The following TASOR variants were observed in gnomAD, a reference collection of about 807,000 sequenced individuals.
TASOR encodes transcription activation suppressor.
In TASOR, 53 loss-of-function variants were observed where a neutral mutation model predicts 178.6. The ratio of observed to expected loss-of-function variants is 0.30; its 90% confidence interval spans 0.24 to 0.37. The LOEUF (loss-of-function observed/expected upper bound fraction) is 0.37, where lower values mean the gene tolerates loss of function less well. Among genes scored for constraint, TASOR ranks in the 10% least tolerant of loss-of-function variants. TASOR has a pLI of 1.00. For missense variants in TASOR, 1,815 were observed against 1,971.4 expected (o/e 0.92, Z 1.50); for synonymous variants, 713 against 696.2 (o/e 1.02, Z -0.38).
At chr3:56,670,282 A>T in intron 3 of TASOR, 137 bp from the exon 4 acceptor site, 1 of 500,292 alleles carries the variant, frequency 2.0e-6, no homozygotes, top group African/African-American at 2.0e-5. Flanking sequence ...AATCTTATAT[A>T]TTTGCCACTT....
intron 1 of TASOR, among the ~76,000 whole-genome samples, chr3:56,680,670 T>C (rs1033789241): frequency 1.8e-4 from 27 of 151,470 alleles, no homozygotes; most frequent in Non-Finnish European, 1.0e-4. Context: ...GTAAAATAGC[T>C]GCTTATTTAA....
chr3:56,648,787 A>G (rs766382013), intron 13 of TASOR, 35 bp downstream of exon 13: 5 of 1,475,102 alleles, frequency 3.4e-6, no homozygotes, highest in Admixed American at 1.8e-5. Context: ...TTAAGTATCT[A>G]TAAGTAACCA....
chr3:56,656,047 C>T (rs1314182345), intron 11 of TASOR, among the ~76,000 whole-genome samples: 1 of 152,114 alleles, frequency 6.6e-6, no homozygotes, highest in Non-Finnish European at 1.5e-5. Context: ...TTTCAGACAA[C>T]AGCTGACCAC....
Position 56,628,952 on chromosome 3 carries a change from T to G in TASOR, c.3748-338A>C, listed in dbSNP as rs903975860. On this transcript the variant is annotated intron_variant, in intron 18 of 23. Transcript: ENST00000683822. ...TAATTTTTTTTTTTTTTTTTTTTTTTGTAAGAGACAGAGTCTTGCTGTGTT... is the reference window on the plus strand; with the variant it reads ...TAATTTTTTTTTTTTTTTTTTTTTTGGTAAGAGACAGAGTCTTGCTGTGTT... The G allele has an allele frequency of 5.5e-4, 65 of 118,778 alleles. No homozygotes were observed. In the East Asian group the frequency reaches 6.3e-3, roughly 12 times the overall value. The allele number at this position is 118,778 out of a possible 1,614,324, so 7.4% of individuals were successfully genotyped here. A position where few individuals can be genotyped will look rare whatever the true frequency, so the allele number is the denominator to read the frequency against.
At chr3:56,628,769 T>C (rs2076848611) in intron 18 of TASOR, 155 bp from the exon 19 acceptor site, 1 of 507,244 alleles carries the variant, frequency 2.0e-6, no homozygotes, top group East Asian at 3.7e-5. Flanking sequence ...CAAATCCTTT[T>C]TTTTTTTCTT....
chr3:56,677,434 T>C (rs1360258556), intron 1 of TASOR, among the ~76,000 whole-genome samples: 1 of 152,202 alleles, frequency 6.6e-6, no homozygotes, highest in African/African-American at 2.4e-5. Flanking sequence ...ATCATCTCAA[T>C]CATCAAAACT....
intron 3 of TASOR, 130 bp from the exon 4 acceptor site, chr3:56,670,275 C>A: frequency 2.0e-6 from 1 of 509,916 alleles, no homozygotes; most frequent in Admixed American, 3.6e-5. Context: ...TCACAGAAAT[C>A]TTATATATTT....
intron 6 of TASOR, among the ~76,000 whole-genome samples, chr3:56,667,753 C>G (rs988179491): frequency 1.3e-5 from 2 of 152,132 alleles, no homozygotes; most frequent in Non-Finnish European, 2.9e-5. Flanking sequence ...CTGGGCAAAA[C>G]AGGGAGACCC....
chr3:56,623,285 G>C lies in TASOR; in HGVS notation c.4765C>G (p.Gln1589Glu). The part of the protein sequence containing the change: ...SEGENSNSTE[Q>E]DSYSNFQVYH... ...ACCTGAAAGTTACTATATGAATCTTGTTCTGTTGAATTGCTGTTCTCTCCT... is the reference window on the plus strand; with the variant it reads ...ACCTGAAAGTTACTATATGAATCTTCTTCTGTTGAATTGCTGTTCTCTCCT... The change falls in exon 24 of 24, where the codon CAA becomes GAA. Residue 1589 changes from glutamine (Q) to glutamate (E), a missense_variant. Physicochemically the swap from Gln to Glu is conservative, Grantham distance 29. Coordinates refer to ENST00000683822, the MANE Select transcript of TASOR (RefSeq NM_001365635.2). 1.2e-6 allele frequency: 2 copies of C among 1,613,458 alleles called. No homozygotes were observed. Among genetic ancestry groups the C allele is most frequent in the Non-Finnish European group, 1.7e-6 (2 of 1,179,888 alleles).
At chr3:56,653,752 TA>T (rs1452097187) in intron 11 of TASOR, among the ~76,000 whole-genome samples, 5 of 151,772 alleles carry the variant, frequency 3.3e-5, no homozygotes, top group African/African-American at 9.7e-5. Context: ...AAATTAGAAA[TA>T]AAAAAGACAA....
intron 1 of TASOR, among the ~76,000 whole-genome samples, chr3:56,681,289 A>C (rs755547988): frequency 1.3e-5 from 2 of 152,174 alleles, no homozygotes; most frequent in Non-Finnish European, 2.9e-5. Flanking sequence ...TACAGACTAT[A>C]ATCATACATC....
At chr3:56,631,155 T>C (rs1206382240) in intron 18 of TASOR, among the ~76,000 whole-genome samples, 3 of 152,118 alleles carry the variant, frequency 2.0e-5, no homozygotes, top group Non-Finnish European at 4.4e-5. Flanking sequence ...TATTTCATTT[T>C]CCCAAGAAAC....
chr3:56,625,058 T>G, intron 21 of TASOR, 52 bp from the exon 22 acceptor site: 2 of 1,542,048 alleles, frequency 1.3e-6, no homozygotes, highest in South Asian at 1.2e-5. Context: ...AAATTTAGTA[T>G]GGAAATTTCT....
Position 56,673,634 on chromosome 3 carries a change from T to C in TASOR, c.423A>G (p.Thr141=). ...HSSYLEPTSV[T]NFNYRRACLV... Reference sequence around the variant, plus strand: ...AGCAAGCACGTCTGTAGTTAAAATTTGTTACTGAGGTTGGTTCAAGGTAAG... The same window carrying C: ...AGCAAGCACGTCTGTAGTTAAAATTCGTTACTGAGGTTGGTTCAAGGTAAG... Residue 141 remains threonine (T), a synonymous_variant, in exon 2 of 24, where the codon ACA becomes ACG. Transcript: ENST00000683822. 2 of 1,551,358 alleles carry C rather than the reference T, an allele frequency of 1.3e-6. No individual in the cohort carries two copies. Among genetic ancestry groups the C allele is most frequent in the South Asian group, 1.2e-5 (1 of 84,034 alleles).
chr3:56,667,764 C>T (rs2030207365), intron 6 of TASOR, among the ~76,000 whole-genome samples: 1 of 152,102 alleles, frequency 6.6e-6, no homozygotes, highest in African/African-American at 2.4e-5. Context: ...AGGGAGACCC[C>T]CATCTCTATT....
At position 56,671,706 on chromosome 3, in the gene TASOR, A is replaced by G; in HGVS notation, c.478-14T>C. On this transcript the variant is annotated splice_polypyrimidine_tract_variant and intron_variant, in intron 2 of 23. Transcript: ENST00000683822. ...CTTTTCTGTAAACTAAATGAAATTA[A>G]AACTATAACAACTACTTAGCATGTG... 6.6e-7 allele frequency: 1 copy of G among 1,516,776 alleles called. No individual in the cohort carries two copies. The highest frequency in any genetic ancestry group is 2.5e-5 in the East Asian group (1 of 40,626). 94.0% of individuals were successfully genotyped at this position (1,516,776 alleles called of 1,614,324 possible). A position where few individuals can be genotyped will look rare whatever the true frequency, so the allele number is the denominator to read the frequency against.
At position 56,653,262 on chromosome 3, in the gene TASOR, C is replaced by CAAA. The variant is rs1176419181; in HGVS notation, c.1369-4208_1369-4206dup. Among the ~76,000 whole-genome samples, 28 of 4,964 alleles carry CAAA rather than the reference C, an allele frequency of 5.6e-3. 3 individuals carry two copies. Among genetic ancestry groups the CAAA allele is most frequent in the East Asian group, 0.028 (3 of 108 alleles). 3.3% of individuals were successfully genotyped at this position (4,964 alleles called of 152,430 possible). On this transcript the variant is annotated intron_variant, in intron 11 of 23. Transcript: ENST00000683822. ...TGGGCAACAGAGTGAGACTCCATCTCAAAAAAAAAAAAAAAAAAAAAAAAA... is the reference window on the plus strand; with the variant it reads ...TGGGCAACAGAGTGAGACTCCATCTCAAAAAAAAAAAAAAAAAAAAAAAAAAAA...
chr3:56,632,210 C>T (rs970129557), intron 18 of TASOR, among the ~76,000 whole-genome samples: 4 of 152,046 alleles, frequency 2.6e-5, no homozygotes, highest in Admixed American at 1.3e-4. Context: ...CAGTGGCCCA[C>T]GCCTGTAATC....
rs2031939591 is a variant in TASOR at position 56,682,951 on chromosome 3, C to T, written c.56G>A (p.Ser19Asn). The T allele has an allele frequency of 1.9e-6, 3 of 1,549,676 alleles. No individual in the cohort carries two copies. The highest frequency in any genetic ancestry group is 2.7e-5 in the African/African-American group (2 of 73,034). ...ACQPTDASWE[S>N]GGGGDDEMKQ... The stretch of plus-strand genomic sequence containing the variant: ...CATCTCGTCGTCTCCGCCGCCGCCA[C>T]TTTCCCAACTCGCATCCGTCGGCTG... The change falls in exon 1 of 24, where the codon AGT becomes AAT. Residue 19 changes from serine (S) to asparagine (N), a missense_variant. Physicochemically the swap from Ser to Asn is conservative, Grantham distance 46. Coordinates refer to ENST00000683822, the MANE Select transcript of TASOR (RefSeq NM_001365635.2).
Sources: gnomAD v4.1 joint callset for allele counts (sites outside exome capture counted in the v4.1 genomes callset) on GRCh38, gnomAD v4.1.1 for gene constraint, MANE v1.5 for transcripts, NCBI Gene and HGNC (gene_info 2026-07-23, HGNC 2026-07-21) for gene names.